SLIT2: variants seen among roughly 807,000 people sequenced by gnomAD.
The protein encoded by SLIT2 is slit guidance ligand 2, also known as slit homolog 2 protein.
SLIT2 carries 41 observed loss-of-function variants against 185.7 expected under a neutral mutation model. The observed-to-expected ratio is 0.22, with a 90% CI of 0.17 to 0.29. The LOEUF (loss-of-function observed/expected upper bound fraction) is 0.29. SLIT2 is among the 10% of genes least tolerant of loss of function. The pLI, the probability that SLIT2 is intolerant of heterozygous loss-of-function variation, is 1.00. For missense variants in SLIT2, 1,571 were observed against 1,909.0 expected, an observed-to-expected ratio of 0.82 and a Z score of 3.30; for synonymous variants, 693 against 680.2, an observed-to-expected ratio of 1.02 and a Z score of -0.29.
At chr4:20,502,022 T>TAA in intron 9 of SLIT2, among the ~76,000 whole-genome samples, 1 of 152,190 alleles carries the variant, frequency 6.6e-6, no homozygotes, top group Non-Finnish European at 1.5e-5. Flanking sequence ...CAAGAAGTTA[T>TAA]TTAGGTAACA....
At chr4:20,409,422 T>G (rs1359061220) in intron 4 of SLIT2, among the ~76,000 whole-genome samples, 2 of 152,238 alleles carry the variant, frequency 1.3e-5, no homozygotes, top group Non-Finnish European at 2.9e-5. Context: ...TATGACTGCA[T>G]AGTATTCCAT....
At chr4:20,294,090 G>A (rs1221030234) in intron 4 of SLIT2, among the ~76,000 whole-genome samples, 1 of 152,100 alleles carries the variant, frequency 6.6e-6, no homozygotes, top group East Asian at 1.9e-4. Flanking sequence ...GCTCATGCCT[G>A]TAATCCCAGC....
intron 4 of SLIT2, among the ~76,000 whole-genome samples, chr4:20,380,888 C>T (rs916329184): frequency 1.3e-5 from 2 of 151,884 alleles, no homozygotes; most frequent in East Asian, 1.9e-4. Flanking sequence ...CAATTACAAA[C>T]CCCCAAACTA....
At chr4:20,378,217 G>A (rs899181037) in intron 4 of SLIT2, among the ~76,000 whole-genome samples, 2 of 152,040 alleles carry the variant, frequency 1.3e-5, no homozygotes, top group Non-Finnish European at 2.9e-5. Flanking sequence ...TTTTACAAAA[G>A]GTGACACTGT....
At chr4:20,302,605 C>T (rs1281594457) in intron 4 of SLIT2, among the ~76,000 whole-genome samples, 2 of 151,814 alleles carry the variant, frequency 1.3e-5, no homozygotes, top group African/African-American at 4.8e-5. Context: ...GGAGATGGCA[C>T]TTGAGGTGTG....
intron 10 of SLIT2, among the ~76,000 whole-genome samples, 166 bp from the exon 11 acceptor site, chr4:20,510,900 A>G (rs1236368328): frequency 6.6e-6 from 1 of 152,198 alleles, no homozygotes; most frequent in Non-Finnish European, 1.5e-5. Context: ...TTTAAAAAGT[A>G]TGATTTCTTT....
At chr4:20,416,934 T>G (rs1442537743) in intron 4 of SLIT2, among the ~76,000 whole-genome samples, 1 of 151,050 alleles carries the variant, frequency 6.6e-6, no homozygotes, top group Non-Finnish European at 1.5e-5. Flanking sequence ...AATTCCTCCA[T>G]GCCAATTTTT....
intron 4 of SLIT2, among the ~76,000 whole-genome samples, chr4:20,310,557 G>A (rs984282244): frequency 6.6e-6 from 1 of 152,086 alleles, no homozygotes; most frequent in African/African-American, 2.4e-5. Flanking sequence ...GTCCTGTTCA[G>A]CATCGTCCCA....
At chr4:20,268,538 T>C (rs531170325) in intron 3 of SLIT2, among the ~76,000 whole-genome samples, 94 of 151,946 alleles carry the variant, frequency 6.2e-4, no homozygotes, top group South Asian at 4.2e-3. Context: ...TCCTTTATCA[T>C]TGTGTGTATT....
intron 11 of SLIT2, among the ~76,000 whole-genome samples, chr4:20,511,587 ATT>A (rs759622666): frequency 2.4e-5 from 2 of 82,202 alleles, no homozygotes; most frequent in Non-Finnish European, 2.2e-5. Context: ...CATCCAGCTA[ATT>A]TTTTTTTTTT....
chr4:20,356,218 G>A (rs1338697338), intron 4 of SLIT2, among the ~76,000 whole-genome samples: 5 of 152,168 alleles, frequency 3.3e-5, no homozygotes, highest in African/African-American at 4.8e-5. Context: ...AGAATTTGGA[G>A]TCTGGTCACT....
intron 34 of SLIT2, among the ~76,000 whole-genome samples, chr4:20,612,032 A>T (rs1729262360): frequency 6.6e-6 from 1 of 152,146 alleles, no homozygotes; most frequent in African/African-American, 2.4e-5. Context: ...ATTAGAATCC[A>T]CTTCATTAAA....
At chr4:20,580,962 AAAAG>A (rs1391483875) in intron 29 of SLIT2, among the ~76,000 whole-genome samples, 17 of 152,220 alleles carry the variant, frequency 1.1e-4, no homozygotes, top group Non-Finnish European at 8.8e-5. Flanking sequence ...GAAAAAAAGA[AAAAG>A]AAAAAGGAAG....
chr4:20,568,796 A>G (rs1007670386), intron 28 of SLIT2, 69 bp from the exon 29 acceptor site: 18 of 1,417,754 alleles, frequency 1.3e-5, no homozygotes, highest in African/African-American at 7.2e-5. Flanking sequence ...GCTTTTTTCA[A>G]TATTTAGACC....
chr4:20,541,742 C>T (rs1363376133), intron 20 of SLIT2, 123 bp downstream of exon 20: 33 of 899,202 alleles, frequency 3.7e-5, no homozygotes, highest in Admixed American at 5.0e-5. Context: ...TTTGCTTTGT[C>T]GTTTGGGTTT....
chr4:20,486,310 A>G (rs1560467016), intron 7 of SLIT2, 39 bp downstream of exon 7: 3 of 1,145,768 alleles, frequency 2.6e-6, no homozygotes, highest in Admixed American at 1.7e-5. Flanking sequence ...ATATTAATCA[A>G]TTAAAGCTTC....
intron 5 of SLIT2, among the ~76,000 whole-genome samples, chr4:20,472,279 TATATATAG>T (rs1244379360): frequency 1.3e-4 from 3 of 22,548 alleles, no homozygotes; most frequent in African/African-American, 2.8e-4. Context: ...TATATATCTA[TATATATAG>T]ATATATAGAT....
At chr4:20,442,507 G>C (rs993075558) in intron 4 of SLIT2, among the ~76,000 whole-genome samples, 7 of 126,430 alleles carry the variant, frequency 5.5e-5, no homozygotes, top group Admixed American at 8.6e-5. Context: ...CTGGGCGACA[G>C]AGGGAGACTC....
In SLIT2 at chr4:20,598,797, G is replaced by A. The variant is rs376722667; in HGVS notation, c.3692+402G>A. On this transcript the variant is annotated intron_variant, in intron 33 of 36. Coordinates refer to ENST00000504154, the MANE Select transcript of SLIT2 (RefSeq NM_004787.4). ...TAGACGTTTGCAGTAAGTTCTCAAGGAAACAACCAGCTTTTGAAATACACA... is the reference window on the plus strand; with the variant it reads ...TAGACGTTTGCAGTAAGTTCTCAAGAAAACAACCAGCTTTTGAAATACACA... Among the ~76,000 whole-genome samples the A allele has an allele frequency of 2.5e-4, 38 of 152,118 alleles. No homozygotes were observed. The East Asian group carries it at 6.0e-3, about 24-fold the overall frequency.
Sources: gnomAD v4.1 joint callset for allele counts (sites outside exome capture counted in the v4.1 genomes callset) on GRCh38, gnomAD v4.1.1 for gene constraint, MANE v1.5 for transcripts, NCBI Gene and HGNC (gene_info 2026-07-23, HGNC 2026-07-21) for gene names.